Variants in DHRS7B observed in about 807,000 individuals in gnomAD.
The protein encoded by DHRS7B is peroxisomal reductase activating PPAR-gamma.
DHRS7B carries 24 observed loss-of-function variants against 26.4 expected under a neutral mutation model. That is an observed-to-expected ratio of 0.91 (90% confidence interval 0.66 to 1.28). The LOEUF (loss-of-function observed/expected upper bound fraction) is 1.28. DHRS7B is among the 50% of genes most tolerant of loss of function. The pLI is 0.00. For synonymous variants in DHRS7B, 142 were observed against 166.4 expected (o/e 0.85, Z 1.13); for missense variants, 368 against 419.4 (o/e 0.88, Z 1.07).
chr17:21,154,888 A>G (rs1357659297), intron 1 of DHRS7B, among the ~76,000 whole-genome samples: 2 of 152,192 alleles, frequency 1.3e-5, no homozygotes, highest in Non-Finnish European at 2.9e-5. Context: ...GGAGTGATAT[A>G]GTGTTATTTG....
At chr17:21,154,269 C>T (rs1038254726) in intron 1 of DHRS7B, among the ~76,000 whole-genome samples, 2 of 151,798 alleles carry the variant, frequency 1.3e-5, no homozygotes, top group Non-Finnish European at 2.9e-5. Context: ...GAGATCGTGA[C>T]ATTGCATCCC....
intron 5 of DHRS7B, among the ~76,000 whole-genome samples, 187 bp downstream of exon 5, chr17:21,184,650 T>A (rs3744225): frequency 1.3e-5 from 2 of 152,118 alleles, no homozygotes; most frequent in East Asian, 3.9e-4. Context: ...TTCTGTCCCC[T>A]GTGTGACCTT....
At chr17:21,164,846 G>A (rs530694277) in intron 1 of DHRS7B, among the ~76,000 whole-genome samples, 15 of 152,302 alleles carry the variant, frequency 9.8e-5, no homozygotes, top group African/African-American at 3.4e-4. Context: ...ATGAGTGCAC[G>A]ACATCCAGGA....
chr17:21,173,932 C>T (rs533763019), intron 2 of DHRS7B, among the ~76,000 whole-genome samples: 2 of 152,306 alleles, frequency 1.3e-5, no homozygotes, highest in South Asian at 4.2e-4. Context: ...TCTGCATCTC[C>T]TCTCCTGACA....
At position 21,160,129 on chromosome 17, in the gene DHRS7B, G is replaced by T. The variant is rs577086037; in HGVS notation, c.21-11889G>T. Among the ~76,000 whole-genome samples the T allele has an allele frequency of 3.9e-5, 6 of 152,220 alleles. No homozygotes were observed. The East Asian group carries it at 5.8e-4, about 15-fold the overall frequency. On this transcript the variant is annotated intron_variant, in intron 1 of 6. Transcript: ENST00000395511. ...CCAGCATTTTGGGAGGCCGAGGTGGGTAGATCACAATGTCATGAGTTCGAG... is the reference window on the plus strand; with the variant it reads ...CCAGCATTTTGGGAGGCCGAGGTGGTTAGATCACAATGTCATGAGTTCGAG...
intron 1 of DHRS7B, among the ~76,000 whole-genome samples, chr17:21,152,321 A>C (rs938021731): frequency 1.3e-5 from 2 of 151,942 alleles, no homozygotes; most frequent in Admixed American, 1.3e-4. Context: ...CACCTGCCTT[A>C]TTTTTGTATT....
At chr17:21,134,363 A>G (rs538574887) in intron 1 of DHRS7B, among the ~76,000 whole-genome samples, 2 of 152,326 alleles carry the variant, frequency 1.3e-5, no homozygotes, top group Admixed American at 1.3e-4. Context: ...GACTTTCTAA[A>G]GCTGAGCCAT....
At chr17:21,184,583 G>T in intron 5 of DHRS7B, 120 bp downstream of exon 5, 1 of 997,416 alleles carries the variant, frequency 1.0e-6, no homozygotes, top group Non-Finnish European at 1.5e-6. Flanking sequence ...GAATGCAAAG[G>T]CACTTGAGAA....
chr17:21,174,792 A>G (rs1384648815), intron 2 of DHRS7B, among the ~76,000 whole-genome samples: 1 of 152,182 alleles, frequency 6.6e-6, no homozygotes, highest in African/African-American at 2.4e-5. Context: ...AGCAGGGCCC[A>G]AGGTTCCTAG....
intron 1 of DHRS7B, among the ~76,000 whole-genome samples, chr17:21,168,009 C>T (rs1376778734): frequency 6.6e-6 from 1 of 152,094 alleles, no homozygotes; most frequent in East Asian, 1.9e-4. Flanking sequence ...TGAAGCTGTC[C>T]TTTTAGCTGG....
chr17:21,168,108 A>G (rs904494252), intron 1 of DHRS7B, among the ~76,000 whole-genome samples: 3 of 152,214 alleles, frequency 2.0e-5, no homozygotes, highest in Non-Finnish European at 4.4e-5. Flanking sequence ...AAGCTAGGAA[A>G]GTGTTGGCAC....
At chr17:21,137,713 T>A (rs1973378842) in intron 1 of DHRS7B, among the ~76,000 whole-genome samples, 1 of 151,982 alleles carries the variant, frequency 6.6e-6, no homozygotes, top group African/African-American at 2.4e-5. Context: ...TGCCTCGGCC[T>A]CCCAAAGTGC....
At chr17:21,189,120 T>C (rs1974719269) in intron 6 of DHRS7B, among the ~76,000 whole-genome samples, 1 of 152,174 alleles carries the variant, frequency 6.6e-6, no homozygotes, top group Non-Finnish European at 1.5e-5. Context: ...ACTCAAGGGC[T>C]AAAAGGAAGT....
chr17:21,139,846 T>C (rs937685920), intron 1 of DHRS7B, among the ~76,000 whole-genome samples: 2 of 151,836 alleles, frequency 1.3e-5, no homozygotes, highest in Admixed American at 1.3e-4. Context: ...TGAGTAGTCT[T>C]TTTTAGTATC....
intron 6 of DHRS7B, among the ~76,000 whole-genome samples, chr17:21,190,282 C>T (rs1037411383): frequency 2.0e-5 from 3 of 152,150 alleles, no homozygotes; most frequent in Non-Finnish European, 4.4e-5. Flanking sequence ...GAAGGAACAT[C>T]AGTTGCCGTT....
intron 1 of DHRS7B, among the ~76,000 whole-genome samples, chr17:21,163,745 A>C (rs1298746013): frequency 6.6e-6 from 1 of 152,160 alleles, no homozygotes; most frequent in Non-Finnish European, 1.5e-5. Context: ...CCACATCCTT[A>C]GGGTGTGATC....
intron 1 of DHRS7B, among the ~76,000 whole-genome samples, chr17:21,151,787 G>T (rs1041434649): frequency 6.6e-6 from 1 of 152,180 alleles, no homozygotes; most frequent in Non-Finnish European, 1.5e-5. Flanking sequence ...TTAGTTGAAT[G>T]TTGTTCCCAC....
At chr17:21,182,208 G>C (rs1190317257) in intron 3 of DHRS7B, among the ~76,000 whole-genome samples, 1 of 151,974 alleles carries the variant, frequency 6.6e-6, no homozygotes, top group African/African-American at 2.4e-5. Context: ...TTTTTCCCTC[G>C]TTCTATTAAT....
intron 1 of DHRS7B, among the ~76,000 whole-genome samples, chr17:21,143,148 C>G (rs948640166): frequency 6.6e-6 from 1 of 152,156 alleles, no homozygotes; most frequent in African/African-American, 2.4e-5. Flanking sequence ...AGGCTAGTCT[C>G]GAACTCGACC....
Sources: allele counts gnomAD v4.1 joint callset (sites outside exome capture counted in the v4.1 genomes callset), GRCh38; gene constraint gnomAD v4.1.1; transcripts MANE v1.5; gene names NCBI Gene and HGNC (gene_info 2026-07-23, HGNC 2026-07-21).